CUBN: variants seen among roughly 807,000 people sequenced by gnomAD.
CUBN encodes the protein 460 kDa receptor.
In CUBN, 282 loss-of-function variants were observed where a neutral mutation model predicts 405.3. The observed-to-expected ratio is 0.70, with a 90% CI of 0.63 to 0.77. The LOEUF (loss-of-function observed/expected upper bound fraction) is 0.77. Ranked by LOEUF, CUBN falls within the 30% of genes least tolerant of loss-of-function variation. The probability of loss-of-function intolerance (pLI) is 0.00; values close to 1 mark genes in which losing one functional copy is unlikely to be tolerated. For missense variants in CUBN, 4,514 were observed against 4,475.2 expected (o/e 1.01, Z -0.25); for synonymous variants, 1,684 against 1,617.0 (o/e 1.04, Z -0.99).
At chr10:16,933,478 T>TA (rs898063055) in intron 39 of CUBN, among the ~76,000 whole-genome samples, 194 bp from the exon 40 acceptor site, 3 of 152,028 alleles carry the variant, frequency 2.0e-5, no homozygotes, top group Admixed American at 6.6e-5. Flanking sequence ...ATCTTTGATG[T>TA]AAAAAAAATG....
At chr10:17,070,404 G>T (rs1194965705) in intron 19 of CUBN, among the ~76,000 whole-genome samples, 1 of 152,044 alleles carries the variant, frequency 6.6e-6, no homozygotes, top group African/African-American at 2.4e-5. Flanking sequence ...TTTTAAAAGA[G>T]CCCGCTGTGA....
At chr10:17,037,234 T>C (rs1040531804) in intron 27 of CUBN, among the ~76,000 whole-genome samples, 1 of 152,212 alleles carries the variant, frequency 6.6e-6, no homozygotes, top group Non-Finnish European at 1.5e-5. Flanking sequence ...GACATTTTTA[T>C]CAATTATTTT....
intron 60 of CUBN, among the ~76,000 whole-genome samples, chr10:16,846,043 T>A (rs890064261): frequency 1.3e-5 from 2 of 152,270 alleles, no homozygotes; most frequent in Admixed American, 6.5e-5. Context: ...AACTTGTTTA[T>A]AATTATTTGA....
rs558594412 is a variant in CUBN at position 16,876,933 on chromosome 10, T to C, written c.9070A>G (p.Thr3024Ala). ...TAGGAAAACTTGAATCCGAAGTCTG[T>C]GATTTGCTCGTTGGAGTAGAAGTTA... Reference protein sequence around the residue: ...LLNFYSNEQITDFGFKFSYRI... With the variant: ...LLNFYSNEQIADFGFKFSYRI... Residue 3024 changes from threonine (T) to alanine (A), a missense_variant, in exon 57 of 67, where the codon ACA becomes GCA. By Grantham distance (58) the Thr-to-Ala change is moderately conservative. This residue lies in a region of CUBN where 1,186 missense variants were observed against 1,186.9 expected (regional missense o/e 1.00). Coordinates refer to ENST00000377833, the MANE Select transcript of CUBN (RefSeq NM_001081.4). The C allele has an allele frequency of 1.1e-5, 17 of 1,614,168 alleles. No homozygotes were observed. In the South Asian group the frequency reaches 1.6e-4, roughly 16 times the overall value.
rs80137615 is a variant in CUBN at position 17,129,429 on chromosome 10, T to A, written c.123-179A>T. 3.7e-4 allele frequency among the ~76,000 whole-genome samples: 57 copies of A among 152,372 alleles called. No homozygotes were observed. The East Asian group carries it at 0.011, about 28-fold the overall frequency. On this transcript the variant is annotated intron_variant, in intron 1 of 66. Transcript: ENST00000377833. ...TCTCTGCACATTTCTCAGAGATACCTCCTGGCAATTGCAAACAGATTATTT... is the reference window on the plus strand; with the variant it reads ...TCTCTGCACATTTCTCAGAGATACCACCTGGCAATTGCAAACAGATTATTT...
chr10:17,071,626 T>A (rs1222260075), intron 18 of CUBN, 22 bp from the exon 19 acceptor site: 3 of 1,605,294 alleles, frequency 1.9e-6, no homozygotes, highest in Non-Finnish European at 2.6e-6. Flanking sequence ...AAAATTATAG[T>A]AGTGCTTGTC....
rs1370263883 is a variant in CUBN, at chr10:16,936,307, A to T, written c.5926+1285T>A. On this transcript the variant is annotated intron_variant, in intron 39 of 66. Transcript: ENST00000377833. The stretch of plus-strand genomic sequence containing the variant: ...CTCTGGATATATCCATCCAGATTTA[A>T]ATGTTGCCTCTAAATTGCATTTGTC... Among the ~76,000 whole-genome samples, 4 of 152,206 alleles carry T rather than the reference A, an allele frequency of 2.6e-5. No individual in the cohort carries two copies. In the East Asian group the frequency reaches 7.7e-4, roughly 29 times the overall value.
In CUBN at chr10:16,950,019, C is replaced by T. The variant is rs1186457952; in HGVS notation, c.5062G>A (p.Glu1688Lys). 9.9e-6 allele frequency: 16 copies of T among 1,613,636 alleles called. No individual in the cohort carries two copies. The highest frequency in any genetic ancestry group is 2.2e-5 in the South Asian group (2 of 91,006). ...GAGGTACCTCGGAGGGGCGCGTCTT[C>T]GTGGCCGCCATCCAAAATTTCTACA... ...DFVEILDGGH[E>K]DAPLRGRYCG... is the part of the protein sequence containing the mutation. Residue 1688 changes from glutamate to lysine, a missense_variant, in exon 34 of 67, where the codon GAA (glutamate) becomes AAA (lysine). Physicochemically the swap from Glu to Lys is moderately conservative, Grantham distance 56. Coordinates refer to ENST00000377833, the MANE Select transcript of CUBN (RefSeq NM_001081.4).
chr10:17,068,262 G>A lies in CUBN; in HGVS notation c.2810C>T (p.Thr937Ile), dbSNP rs200383906. 18 of 1,613,494 alleles carry A rather than the reference G, an allele frequency of 1.1e-5. No homozygotes were observed. Among genetic ancestry groups the A allele is most frequent in the Non-Finnish European group, 1.4e-5 (16 of 1,179,624 alleles). ...ACTTTGAATGGTCCCTGTTGATTCT[G>A]TAAGAATTTCTCCACATGCTGTTGA... ...AEDLACGEIL[T>I]ESTGTIQSPG... The change falls in exon 21 of 67, where the codon ACA becomes ATA. Residue 937 changes from threonine (T) to isoleucine (I), a missense_variant. By Grantham distance (89) the Thr-to-Ile change is moderately conservative. Transcript: ENST00000377833.
chr10:17,001,236 G>A (rs1474267645), intron 28 of CUBN, among the ~76,000 whole-genome samples: 1 of 152,210 alleles, frequency 6.6e-6, no homozygotes, highest in Non-Finnish European at 1.5e-5. Flanking sequence ...GTGAGCAGCA[G>A]CAAGATTTAT....
chr10:16,876,655 A>G, intron 57 of CUBN, among the ~76,000 whole-genome samples: 1 of 152,214 alleles, frequency 6.6e-6, no homozygotes, highest in East Asian at 1.9e-4. Flanking sequence ...AAATTACAAA[A>G]CAAATGTCAA....
intron 39 of CUBN, among the ~76,000 whole-genome samples, chr10:16,936,724 T>C (rs1028445997): frequency 7.2e-5 from 11 of 152,322 alleles, no homozygotes; most frequent in Admixed American, 7.2e-4. Flanking sequence ...GCTTTTCTTT[T>C]CTTTTCGAAA....
chr10:16,903,945 G>C, intron 51 of CUBN, 21 bp downstream of exon 51: 1 of 1,523,598 alleles, frequency 6.6e-7, no homozygotes. Flanking sequence ...ATTTTATCAA[G>C]ATCTTAATTA....
intron 22 of CUBN, among the ~76,000 whole-genome samples, chr10:17,053,325 T>C (rs1175394551): frequency 1.3e-5 from 2 of 151,934 alleles, no homozygotes; most frequent in Non-Finnish European, 2.9e-5. Context: ...GCACATTATA[T>C]ATAATGATGC....
chr10:17,054,222 T>C (rs1252748311), intron 22 of CUBN, among the ~76,000 whole-genome samples: 1 of 151,386 alleles, frequency 6.6e-6, no homozygotes, highest in Non-Finnish European at 1.5e-5. Flanking sequence ...TCCCAGCTAC[T>C]TGGGAGGCTG....
At chr10:16,983,246 G>A (rs1362619976) in intron 30 of CUBN, among the ~76,000 whole-genome samples, 3 of 152,086 alleles carry the variant, frequency 2.0e-5, no homozygotes, top group Non-Finnish European at 4.4e-5. Context: ...TCATTCAGGG[G>A]TAATCTAAAC....
intron 13 of CUBN, among the ~76,000 whole-genome samples, chr10:17,101,471 A>G (rs1270322961): frequency 1.3e-5 from 2 of 150,754 alleles, no homozygotes; most frequent in African/African-American, 4.9e-5. Context: ...TGAGGTTACC[A>G]GGTCGCAAAT....
chr10:16,865,201 C>A (rs1840142407), intron 59 of CUBN, among the ~76,000 whole-genome samples: 1 of 151,594 alleles, frequency 6.6e-6, no homozygotes, highest in African/African-American at 2.4e-5. Context: ...GACTCCTGAC[C>A]TCAAGTGATC....
chr10:16,826,610 A>G (rs1055572951), intron 66 of CUBN, among the ~76,000 whole-genome samples: 7 of 152,232 alleles, frequency 4.6e-5, no homozygotes, highest in African/African-American at 1.4e-4. Flanking sequence ...AATTATATCC[A>G]CATTTATAAA....
Sources: allele counts gnomAD v4.1 joint callset (sites outside exome capture counted in the v4.1 genomes callset), GRCh38; gene constraint gnomAD v4.1.1; regional missense constraint gnomAD v4.1.1; transcripts MANE v1.5; gene names NCBI Gene and HGNC (gene_info 2026-07-23, HGNC 2026-07-21).